The following FNDC1 variants were observed in gnomAD, a reference collection of about 807,000 sequenced individuals.
FNDC1 encodes fibronectin type III domain containing 1.
Under a neutral mutation model 168.0 loss-of-function variants are expected in FNDC1, and 96 were observed. That is an observed-to-expected ratio of 0.57 (90% CI 0.48 to 0.68). The LOEUF (loss-of-function observed/expected upper bound fraction) is 0.68, where lower values mean the gene tolerates loss of function less well. FNDC1 is among the 30% of genes least tolerant of loss of function. FNDC1 has a pLI of 0.00. For missense variants in FNDC1, 2,587 were observed against 2,482.1 expected, an observed-to-expected ratio of 1.04 and a Z score of -0.90; for synonymous variants, 1,099 against 1,025.9, an observed-to-expected ratio of 1.07 and a Z score of -1.36.
At chr6:159,223,028 C>T (rs1782865588) in intron 6 of FNDC1, among the ~76,000 whole-genome samples, 1 of 132,268 alleles carries the variant, frequency 7.6e-6, no homozygotes, top group African/African-American at 2.7e-5. Flanking sequence ...GGAGTTTTCG[C>T]TCTGTTGCCC....
At chr6:159,246,245 G>T (rs1777118935) in intron 14 of FNDC1, among the ~76,000 whole-genome samples, 1 of 152,200 alleles carries the variant, frequency 6.6e-6, no homozygotes, top group Admixed American at 6.5e-5. Flanking sequence ...TGCAAATTAA[G>T]AAATCTGATT....
At chr6:159,220,189 C>T (rs982314180) in intron 5 of FNDC1, among the ~76,000 whole-genome samples, 2 of 152,210 alleles carry the variant, frequency 1.3e-5, no homozygotes, top group Non-Finnish European at 2.9e-5. Context: ...TCTTCTACAG[C>T]AGCTCACTGT....
chr6:159,214,570 C>T (rs1405392781), intron 4 of FNDC1, among the ~76,000 whole-genome samples: 1 of 152,194 alleles, frequency 6.6e-6, no homozygotes, highest in African/African-American at 2.4e-5. Flanking sequence ...CACATAATGT[C>T]TCTCTGCTAT....
chr6:159,207,148 C>T (rs1412742859), intron 4 of FNDC1, among the ~76,000 whole-genome samples: 1 of 152,216 alleles, frequency 6.6e-6, no homozygotes, highest in Non-Finnish European at 1.5e-5. Flanking sequence ...CAGGAAGGAG[C>T]TAGCTGGCCA....
chr6:159,212,325 T>C (rs1782622264), intron 4 of FNDC1, among the ~76,000 whole-genome samples: 1 of 152,224 alleles, frequency 6.6e-6, no homozygotes, highest in Non-Finnish European at 1.5e-5. Flanking sequence ...ACAGATTTAT[T>C]AGAGAATTTC....
intron 1 of FNDC1, among the ~76,000 whole-genome samples, chr6:159,172,264 G>T (rs1050538051): frequency 6.6e-6 from 1 of 152,224 alleles, no homozygotes; most frequent in African/African-American, 2.4e-5. Context: ...CATTAAGCTA[G>T]CTGGTTTTTT....
intron 11 of FNDC1, among the ~76,000 whole-genome samples, chr6:159,235,353 AT>A (rs1783227305): frequency 6.6e-6 from 1 of 151,538 alleles, no homozygotes; most frequent in Non-Finnish European, 1.5e-5. Flanking sequence ...ATGCATTGTT[AT>A]TTTAGCCCAA....
At chr6:159,186,524 A>G (rs149284817) in intron 1 of FNDC1, among the ~76,000 whole-genome samples, 20 of 152,338 alleles carry the variant, frequency 1.3e-4, no homozygotes, top group African/African-American at 3.4e-4. Flanking sequence ...GTACCTTGGA[A>G]GCTCTTTCCA....
chr6:159,198,460 G>A (rs1353708468), intron 2 of FNDC1, among the ~76,000 whole-genome samples: 1 of 151,544 alleles, frequency 6.6e-6, no homozygotes, highest in African/African-American at 2.4e-5. Context: ...ACGCTTCCTG[G>A]GTAACAGAGC....
chr6:159,203,738 G>A (rs1299608342), intron 4 of FNDC1, among the ~76,000 whole-genome samples: 2 of 152,142 alleles, frequency 1.3e-5, no homozygotes, highest in Non-Finnish European at 2.9e-5. Flanking sequence ...TCTGCAAGTT[G>A]TTTTGGCTTT....
chr6:159,227,640 C>T (rs1583887607), intron 9 of FNDC1, among the ~76,000 whole-genome samples: 2 of 118,080 alleles, frequency 1.7e-5, no homozygotes, highest in Non-Finnish European at 1.6e-5. Flanking sequence ...TACTATTCTT[C>T]TTTCTCTTTT....
Position 159,169,633 on chromosome 6 carries a change from C to A in FNDC1, c.37C>A (p.Arg13Ser). ...PEAGATLRAP[R>S]RLSWAALLLL... ...GGCCGGGGCGACCCTGCGCGCGCCG[C>A]GCCGGCTGTCCTGGGCGGCGCTGCT... The change falls in exon 1 of 23, where the codon CGC becomes AGC. Residue 13 changes from arginine to serine, a missense_variant. Coordinates refer to ENST00000297267, the MANE Select transcript of FNDC1 (RefSeq NM_032532.3). The surrounding 1 kb of genome is among the most constrained non-coding windows in gnomAD (Gnocchi z 6.8). 1 of 1,146,028 alleles carries A rather than the reference C, an allele frequency of 8.7e-7. No individual in the cohort carries two copies. The highest frequency in any genetic ancestry group is 1.1e-6 in the Non-Finnish European group (1 of 933,872). 71.0% of individuals were successfully genotyped at this position (1,146,028 alleles called of 1,614,324 possible). A position where few individuals can be genotyped will look rare whatever the true frequency, so the allele number is the denominator to read the frequency against.
chr6:159,270,805 G>C (rs1777729749), intron 22 of FNDC1, among the ~76,000 whole-genome samples: 2 of 152,220 alleles, frequency 1.3e-5, no homozygotes, highest in Non-Finnish European at 2.9e-5. Context: ...AGCTCTGTAA[G>C]AATGGGGCAG....
intron 1 of FNDC1, among the ~76,000 whole-genome samples, chr6:159,190,173 C>T (rs1782103443): frequency 6.6e-6 from 1 of 152,230 alleles, no homozygotes. Flanking sequence ...GCAGCCACAG[C>T]TTGACCATAG....
At chr6:159,191,620 A>G (rs146439317) in intron 1 of FNDC1, among the ~76,000 whole-genome samples, 28 of 152,360 alleles carry the variant, frequency 1.8e-4, no homozygotes, top group Non-Finnish European at 3.1e-4. Context: ...GTGCAATCAC[A>G]GAATTAAAAA....
At chr6:159,190,601 G>A (rs1782114932) in intron 1 of FNDC1, among the ~76,000 whole-genome samples, 1 of 152,248 alleles carries the variant, frequency 6.6e-6, no homozygotes, top group Non-Finnish European at 1.5e-5. Context: ...GGGAGACGAG[G>A]AGGTAGGAAG....
At chr6:159,261,997 A>G (rs1777495683) in intron 19 of FNDC1, among the ~76,000 whole-genome samples, 1 of 152,126 alleles carries the variant, frequency 6.6e-6, no homozygotes, top group Admixed American at 6.5e-5. Flanking sequence ...AGTCCCAGCT[A>G]CTCAGGAGGC....
At chr6:159,231,409 G>T (rs957540197) in intron 10 of FNDC1, among the ~76,000 whole-genome samples, 1 of 152,050 alleles carries the variant, frequency 6.6e-6, no homozygotes, top group African/African-American at 2.4e-5. Flanking sequence ...CAAATTGGTT[G>T]CTCGTCACAC....
intron 12 of FNDC1, among the ~76,000 whole-genome samples, chr6:159,236,972 T>A (rs1014198926): frequency 6.6e-6 from 1 of 152,324 alleles, no homozygotes; most frequent in East Asian, 1.9e-4. Flanking sequence ...AAGTACTTTT[T>A]CTAAGAATAA....
Sources: allele counts gnomAD v4.1 joint callset (sites outside exome capture counted in the v4.1 genomes callset), GRCh38; gene constraint gnomAD v4.1.1; non-coding constraint Gnocchi (gnomAD v3.1); transcripts MANE v1.5; gene names NCBI Gene and HGNC (gene_info 2026-07-23, HGNC 2026-07-21).